Variants in POU6F2 observed in about 807,000 individuals in gnomAD.
The protein encoded by POU6F2 is POU class 6 homeobox 2.
POU6F2 carries 31 observed loss-of-function variants against 71.3 expected under a neutral mutation model. The observed-to-expected ratio is 0.43, with a 90% CI of 0.33 to 0.59. The LOEUF (loss-of-function observed/expected upper bound fraction) is 0.59. Ranked by LOEUF, POU6F2 falls within the 20% of genes least tolerant of loss-of-function variation. POU6F2 has a pLI of 0.04. For synonymous variants in POU6F2, 347 were observed against 355.7 expected, an observed-to-expected ratio of 0.98 and a Z score of 0.27; for missense variants, 783 against 856.8, an observed-to-expected ratio of 0.91 and a Z score of 1.07.
intron 8 of POU6F2, among the ~76,000 whole-genome samples, chr7:39,454,531 C>A (rs578144337): frequency 6.6e-6 from 1 of 150,534 alleles, no homozygotes; most frequent in African/African-American, 2.4e-5. Context: ...TTTAGGAACT[C>A]TGTGTCAAGA....
intron 5 of POU6F2, among the ~76,000 whole-genome samples, chr7:39,398,603 G>C (rs1423715008): frequency 6.6e-6 from 1 of 151,756 alleles, no homozygotes; most frequent in Non-Finnish European, 1.5e-5. Flanking sequence ...AGTCAAGGAA[G>C]GTGGCTCTAA....
chr7:39,406,463 A>G lies in POU6F2; in HGVS notation c.973-137A>G, dbSNP rs1315444792. Reference sequence around the variant, plus strand: ...CAGAGCTTCCGGGGGAATGTTCGCCACGCCCCTCCGGTGGGTTCCAGGCCC... The same window carrying G: ...CAGAGCTTCCGGGGGAATGTTCGCCGCGCCCCTCCGGTGGGTTCCAGGCCC... On this transcript the variant is annotated intron_variant, in intron 5 of 9. Coordinates refer to ENST00000518318, the MANE Select transcript of POU6F2 (RefSeq NM_001370959.1). 6 of 962,342 alleles carry G rather than the reference A, an allele frequency of 6.2e-6. No homozygotes were observed. The African/African-American group carries it at 8.2e-5, about 13-fold the overall frequency. 59.6% of individuals were successfully genotyped at this position (962,342 alleles called of 1,614,324 possible). A position where few individuals can be genotyped will look rare whatever the true frequency, so the allele number is the denominator to read the frequency against.
At chr7:39,030,226 C>T (rs555568311) in intron 1 of POU6F2, among the ~76,000 whole-genome samples, 27 of 151,672 alleles carry the variant, frequency 1.8e-4, no homozygotes, top group Admixed American at 3.3e-4. Context: ...TGCATTCTAT[C>T]CCTTTCTGTG....
At chr7:39,054,644 C>T (rs1199228004) in intron 1 of POU6F2, among the ~76,000 whole-genome samples, 1 of 151,844 alleles carries the variant, frequency 6.6e-6, no homozygotes, top group Admixed American at 6.6e-5. Context: ...TCAGAAAAGG[C>T]TTCTTTGAGG....
intron 2 of POU6F2, among the ~76,000 whole-genome samples, chr7:39,188,929 C>T (rs1793601210): frequency 6.6e-6 from 1 of 152,176 alleles, no homozygotes; most frequent in African/African-American, 2.4e-5. Context: ...CTGACATTTC[C>T]AAGAGAAGCT....
intron 2 of POU6F2, among the ~76,000 whole-genome samples, chr7:39,135,473 C>G (rs1584561098): frequency 6.6e-6 from 1 of 152,044 alleles, no homozygotes; most frequent in Non-Finnish European, 1.5e-5. Context: ...CTTAGAATGA[C>G]TACTCATCCA....
intron 5 of POU6F2, among the ~76,000 whole-genome samples, chr7:39,351,828 A>G (rs1786144958): frequency 6.6e-6 from 1 of 152,242 alleles, no homozygotes; most frequent in Non-Finnish European, 1.5e-5. Context: ...AGGACTTGTA[A>G]GAAGTGAGAT....
In POU6F2 at chr7:39,433,057, C is replaced by T. The variant is rs1314326801; in HGVS notation, c.1114-20C>T. On this transcript the variant is annotated intron_variant, in intron 6 of 9. Coordinates refer to ENST00000518318, the MANE Select transcript of POU6F2 (RefSeq NM_001370959.1). ...GACCCTTCACCGAGCCAGCTCCTCA[C>T]CTTTGGCCCTCTCTTGCAGATTATC... The T allele has an allele frequency of 3.1e-6, 5 of 1,611,722 alleles. No individual in the cohort carries two copies. Among genetic ancestry groups the T allele is most frequent in the Admixed American group, 3.3e-5 (2 of 59,956 alleles).
At chr7:39,250,017 T>C (rs1261624496) in intron 4 of POU6F2, among the ~76,000 whole-genome samples, 2 of 152,178 alleles carry the variant, frequency 1.3e-5, no homozygotes, top group Non-Finnish European at 2.9e-5. Flanking sequence ...GCGTGGGCTC[T>C]CGCAGCACTG....
intron 2 of POU6F2, among the ~76,000 whole-genome samples, chr7:39,133,048 A>G (rs777036504): frequency 4.6e-5 from 7 of 152,232 alleles, no homozygotes; most frequent in Non-Finnish European, 8.8e-5. Flanking sequence ...CCGCTCATAA[A>G]ACATCACATT....
chr7:39,438,027 T>C (rs1455456929), intron 7 of POU6F2, among the ~76,000 whole-genome samples: 3 of 152,116 alleles, frequency 2.0e-5, no homozygotes, highest in South Asian at 2.1e-4. Flanking sequence ...ACATGTGCCA[T>C]GTTGGTGTGC....
intron 5 of POU6F2, among the ~76,000 whole-genome samples, chr7:39,372,859 A>T (rs937263983): frequency 6.6e-6 from 1 of 152,182 alleles, no homozygotes; most frequent in African/African-American, 2.4e-5. Flanking sequence ...GATTCGGCCC[A>T]TGAGCAGTAG....
chr7:39,059,951 C>G (rs527453920), intron 1 of POU6F2, among the ~76,000 whole-genome samples: 2 of 152,300 alleles, frequency 1.3e-5, no homozygotes, highest in South Asian at 4.1e-4. Flanking sequence ...TGGCTCAGAC[C>G]TGTAATCCCA....
chr7:39,373,343 G>A (rs1343813161), intron 5 of POU6F2: 9 of 430,496 alleles, frequency 2.1e-5, no homozygotes, highest in Non-Finnish European at 3.8e-5. Flanking sequence ...CTAGAAGATC[G>A]ACTGATTGAC....
chr7:38,999,526 G>T (rs1788838719), intron 1 of POU6F2, among the ~76,000 whole-genome samples: 1 of 152,082 alleles, frequency 6.6e-6, no homozygotes, highest in Non-Finnish European at 1.5e-5. Flanking sequence ...TATACTATAT[G>T]TGTAACTGGT....
chr7:39,212,539 GC>G (rs1443698183), intron 4 of POU6F2, among the ~76,000 whole-genome samples: 1 of 152,118 alleles, frequency 6.6e-6, no homozygotes, highest in Non-Finnish European at 1.5e-5. Context: ...TGCCTTGAGT[GC>G]CCCTTTCCCC....
chr7:39,070,776 C>G (rs1464029926), intron 1 of POU6F2, among the ~76,000 whole-genome samples: 1 of 152,210 alleles, frequency 6.6e-6, no homozygotes, highest in Non-Finnish European at 1.5e-5. Context: ...CACACCCCTC[C>G]AGGTCACCCT....
intron 4 of POU6F2, among the ~76,000 whole-genome samples, chr7:39,226,604 A>G (rs1279700246): frequency 6.6e-6 from 1 of 152,160 alleles, no homozygotes; most frequent in African/African-American, 2.4e-5. Flanking sequence ...ACTTTAAACC[A>G]TTTTTTTGTT....
chr7:39,137,318 A>G (rs1308466086), intron 2 of POU6F2, among the ~76,000 whole-genome samples: 1 of 152,194 alleles, frequency 6.6e-6, no homozygotes, highest in Non-Finnish European at 1.5e-5. Context: ...TACACACACC[A>G]AGAAATGACT....
Sources: gnomAD v4.1 joint callset for allele counts (sites outside exome capture counted in the v4.1 genomes callset) on GRCh38, gnomAD v4.1.1 for gene constraint, MANE v1.5 for transcripts, NCBI Gene and HGNC (gene_info 2026-07-23, HGNC 2026-07-21) for gene names.